The following TNPO1 variants were observed in gnomAD, a reference collection of about 807,000 sequenced individuals.
TNPO1 encodes transportin-1.
A neutral mutation model predicts 119.5 loss-of-function variants in TNPO1; 8 were observed. The ratio of observed to expected loss-of-function variants is 0.07; its 90% CI spans 0.04 to 0.12. The LOEUF (loss-of-function observed/expected upper bound fraction) is 0.12. TNPO1 is among the 10% of genes least tolerant of loss of function. The pLI is 1.00. For synonymous variants in TNPO1, 362 were observed against 363.0 expected, an observed-to-expected ratio of 1.00 and a Z score of 0.03; for missense variants, 576 against 1,089.8, an observed-to-expected ratio of 0.53 and a Z score of 6.64.
intron 1 of TNPO1, among the ~76,000 whole-genome samples, chr5:72,826,821 A>G (rs758847461): frequency 1.6e-4 from 24 of 152,152 alleles, no homozygotes; most frequent in Non-Finnish European, 3.1e-4. Flanking sequence ...AATGCATACT[A>G]AAGTACTTCT....
At chr5:72,865,831 G>T (rs777513894) in intron 6 of TNPO1, 102 bp downstream of exon 6, 10 of 1,220,956 alleles carry the variant, frequency 8.2e-6, no homozygotes, top group Non-Finnish European at 1.0e-5. Flanking sequence ...AAGATCAAAA[G>T]ATATTGGATG....
intron 3 of TNPO1, 89 bp from the exon 4 acceptor site, chr5:72,855,685 C>A: frequency 2.7e-6 from 3 of 1,122,354 alleles, no homozygotes; most frequent in Non-Finnish European, 3.8e-6. Flanking sequence ...TGTCAATCAA[C>A]TTTTGAATAT....
chr5:72,889,068 A>AT (rs1309811170), intron 13 of TNPO1, among the ~76,000 whole-genome samples: 1 of 151,818 alleles, frequency 6.6e-6, no homozygotes, highest in African/African-American at 2.4e-5. Flanking sequence ...ATTTTATTTT[A>AT]TTTTTTTTAG....
At chr5:72,900,376 TAA>T (rs1368123199) in intron 21 of TNPO1, among the ~76,000 whole-genome samples, 1 of 152,168 alleles carries the variant, frequency 6.6e-6, no homozygotes, top group African/African-American at 2.4e-5. Flanking sequence ...ACCAGAAAAA[TAA>T]AGATGCATGC....
chr5:72,878,828 A>G (rs148930845), intron 9 of TNPO1: 4,828 of 403,204 alleles, frequency 0.012, 45 homozygotes, highest in Middle Eastern at 0.033. Flanking sequence ...TTTTTCTTCA[A>G]GAGCAGAAAT....
chr5:72,888,306 G>T lies in TNPO1; in HGVS notation c.1529+3G>T, dbSNP rs1344836401. 1 of 1,611,970 alleles carries T rather than the reference G, an allele frequency of 6.2e-7. No individual in the cohort carries two copies. ...AGAGTACAAGAAGCTGCCTGCAGGT[G>T]GGACAGATTCATAACACAGTGTTCT... On this transcript the variant is annotated splice_donor_region_variant and intron_variant, in intron 13 of 24. Transcript: ENST00000337273.
intron 11 of TNPO1, among the ~76,000 whole-genome samples, 189 bp from the exon 12 acceptor site, chr5:72,886,881 T>C (rs1580457294): frequency 1.3e-5 from 1 of 79,212 alleles, no homozygotes; most frequent in African/African-American, 5.3e-5. Context: ...AGAACAAGAC[T>C]CCATCTCAAA....
At chr5:72,872,030 A>C (rs1002334303) in intron 6 of TNPO1, 1 of 152,192 alleles carries the variant, frequency 6.6e-6, no homozygotes, top group East Asian at 1.9e-4. Flanking sequence ...TATTGCAGCA[A>C]TCTGAATGAG....
intron 6 of TNPO1, among the ~76,000 whole-genome samples, chr5:72,870,544 T>G (rs926100024): frequency 1.3e-5 from 2 of 152,240 alleles, no homozygotes; most frequent in Admixed American, 6.5e-5. Flanking sequence ...TCCCAGGCAC[T>G]TACTTGGTCT....
At chr5:72,894,108 A>G (rs1379385838) in intron 18 of TNPO1, among the ~76,000 whole-genome samples, 1 of 152,238 alleles carries the variant, frequency 6.6e-6, no homozygotes, top group South Asian at 2.1e-4. Context: ...CAGATATTGC[A>G]GAAAACTTCC....
chr5:72,837,456 A>T (rs1391854173), intron 1 of TNPO1, among the ~76,000 whole-genome samples: 1 of 152,210 alleles, frequency 6.6e-6, no homozygotes, highest in Non-Finnish European at 1.5e-5. Flanking sequence ...AGCCTTCATG[A>T]CAATGGCAGT....
chr5:72,849,348 A>G (rs1007880988), intron 2 of TNPO1, among the ~76,000 whole-genome samples: 2 of 152,168 alleles, frequency 1.3e-5, no homozygotes, highest in African/African-American at 4.8e-5. Flanking sequence ...CAGTAAAGGA[A>G]ACATTCACTC....
Position 72,889,799 on chromosome 5 carries a change from C to T in TNPO1, c.1543C>T (p.Leu515=). Residue 515 remains leucine (L), a synonymous_variant, in exon 14 of 25, where the codon CTA becomes TTA. Transcript: ENST00000337273. ...QEAACSAFAT[L]EEEACTELVP... ...TTTTTTAAACAGTGCCTTTGCTACC[C>T]TAGAAGAGGAGGCTTGTACAGAACT... 3.8e-6 allele frequency: 6 copies of T among 1,592,544 alleles called. No homozygotes were observed. The highest frequency in any genetic ancestry group is 5.1e-6 in the Non-Finnish European group (6 of 1,173,234).
chr5:72,909,621 GA>G lies in TNPO1; in HGVS notation c.*949del, dbSNP rs1750423704. The G allele has an allele frequency of 6.6e-6, 1 of 152,510 alleles. No individual in the cohort carries two copies. Among genetic ancestry groups the G allele is most frequent in the Non-Finnish European group, 1.5e-5 (1 of 68,036 alleles). 9.4% of individuals were successfully genotyped at this position (152,510 alleles called of 1,614,324 possible). A position where few individuals can be genotyped will look rare whatever the true frequency, so the allele number is the denominator to read the frequency against. Reference sequence around the variant, plus strand: ...AGCATGCTTGCATCACATAGAGTGAGATTGGTATTCATTTACCTATGTTGCG... The same window carrying G: ...AGCATGCTTGCATCACATAGAGTGAGTTGGTATTCATTTACCTATGTTGCG... On this transcript the variant is annotated 3_prime_UTR_variant, in exon 25 of 25. Coordinates refer to ENST00000337273, the MANE Select transcript of TNPO1 (RefSeq NM_002270.4).
chr5:72,843,824 A>G (rs1745017726), intron 1 of TNPO1, among the ~76,000 whole-genome samples: 1 of 152,112 alleles, frequency 6.6e-6, no homozygotes, highest in Admixed American at 6.5e-5. Flanking sequence ...AGATGGGGGG[A>G]AAATGCATCT....
chr5:72,858,983 G>A (rs1237480181), intron 4 of TNPO1, among the ~76,000 whole-genome samples: 1 of 142,764 alleles, frequency 7.0e-6, no homozygotes, highest in Non-Finnish European at 1.5e-5. Context: ...CACCCAAATT[G>A]CCTAATCTTA....
At chr5:72,855,328 C>T (rs1358683943) in intron 3 of TNPO1, among the ~76,000 whole-genome samples, 1 of 152,036 alleles carries the variant, frequency 6.6e-6, no homozygotes, top group Non-Finnish European at 1.5e-5. Context: ...ACTAGTACTT[C>T]CAGCTCTATA....
intron 3 of TNPO1, among the ~76,000 whole-genome samples, chr5:72,852,467 T>C (rs1247948209): frequency 6.6e-6 from 1 of 152,198 alleles, no homozygotes; most frequent in African/African-American, 2.4e-5. Flanking sequence ...CCCTGAAACA[T>C]TGTGGACACA....
At position 72,890,062 on chromosome 5, in the gene TNPO1, G is replaced by T. The variant is rs551035260; in HGVS notation, c.1701+105G>T. ...TAAGATGTTTTGGGAGATGTGAATA[G>T]TTAGCGTTAGCTACTTTAAGAGTAT... On this transcript the variant is annotated intron_variant, in intron 14 of 24. Transcript: ENST00000337273. The T allele has an allele frequency of 1.2e-5, 15 of 1,224,870 alleles. No individual in the cohort carries two copies. In the African/African-American group the frequency reaches 1.5e-4, roughly 13 times the overall value. 75.9% of individuals were successfully genotyped at this position (1,224,870 alleles called of 1,614,324 possible).
Sources: gnomAD v4.1 joint callset for allele counts (sites outside exome capture counted in the v4.1 genomes callset) on GRCh38, gnomAD v4.1.1 for gene constraint, MANE v1.5 for transcripts, NCBI Gene and HGNC (gene_info 2026-07-23, HGNC 2026-07-21) for gene names.